The following NUDT11 variants were observed in gnomAD, a reference collection of about 807,000 sequenced individuals.
NUDT11 encodes nudix hydrolase 11, also known as diphosphoinositol polyphosphate phosphohydrolase 3-beta.
Under a neutral mutation model 10.0 loss-of-function variants are expected in NUDT11, and 1 was observed. The ratio of observed to expected loss-of-function variants is 0.10; its 90% CI spans 0.04 to 0.47. NUDT11 has a LOEUF of 0.47. NUDT11 is among the 20% of genes least tolerant of loss of function. The pLI is 0.96. For missense variants in NUDT11, 47 were observed against 140.4 expected (o/e 0.33, Z 3.36); for synonymous variants, 63 against 65.9 (o/e 0.96, Z 0.21).
intron 1 of NUDT11, among the ~76,000 whole-genome samples, chrX:51,492,369 CTT>C (rs782535873): frequency 6.9e-5 from 7 of 101,176 alleles, no homozygotes; most frequent in Non-Finnish European, 6.1e-5. Flanking sequence ...TGCGCTCACT[CTT>C]TTTTTTTTTT....
At chrX:51,494,532 T>C (rs1477520619) in intron 1 of NUDT11, among the ~76,000 whole-genome samples, 1 of 111,709 alleles carries the variant, frequency 9.0e-6, no homozygotes, top group Non-Finnish European at 1.9e-5. Context: ...TAAAAAATAT[T>C]ATTTGTGAAA....
In NUDT11 at chrX:51,491,485, G is replaced by C. The variant is rs913420294; in HGVS notation, c.*264C>G. The stretch of plus-strand genomic sequence containing the variant: ...AGTCTTTGCTCTCAAAGACATCATA[G>C]TCTAATGAAGGCAGACACATCAAAA... On this transcript the variant is annotated 3_prime_UTR_variant, in exon 2 of 2. Coordinates refer to ENST00000375992, the MANE Select transcript of NUDT11 (RefSeq NM_018159.4). The C allele has an allele frequency of 1.9e-5, 6 of 311,698 alleles. No individual in the cohort carries two copies. Among genetic ancestry groups the C allele is most frequent in the Non-Finnish European group, 3.3e-5 (6 of 179,508 alleles). The allele number at this position is 311,698 out of a possible 1,213,427, so 25.7% of individuals were successfully genotyped here.
chrX:51,490,937 T>C lies in NUDT11; in HGVS notation c.*812A>G, dbSNP rs989033328. ...TCCTCAAAGAGATGTTAAGATGACA[T>C]GTAAGAAGTGGTTAGGGCAGGCATT... On this transcript the variant is annotated 3_prime_UTR_variant, in exon 2 of 2. Coordinates refer to ENST00000375992, the MANE Select transcript of NUDT11 (RefSeq NM_018159.4). The C allele has an allele frequency of 7.1e-5, 8 of 112,420 alleles. No individual in the cohort carries two copies. Among genetic ancestry groups the C allele is most frequent in the Non-Finnish European group, 1.5e-4 (8 of 53,278 alleles). The allele number at this position is 112,420 out of a possible 1,213,427, so 9.3% of individuals were successfully genotyped here. A position where few individuals can be genotyped will look rare whatever the true frequency, so the allele number is the denominator to read the frequency against.
At chrX:51,493,151 T>C (rs1438953978) in intron 1 of NUDT11, among the ~76,000 whole-genome samples, 3 of 112,428 alleles carry the variant, frequency 2.7e-5, no homozygotes, top group Non-Finnish European at 5.6e-5. Context: ...ACAGCACCAA[T>C]TGTTTCCAGT....
In NUDT11 at chrX:51,490,241, A is replaced by AT. The variant is rs1557326060; in HGVS notation, c.*1507dup. On this transcript the variant is annotated 3_prime_UTR_variant, in exon 2 of 2. Coordinates refer to ENST00000375992, the MANE Select transcript of NUDT11 (RefSeq NM_018159.4). ...CAGTATACTTCTCTAAAAGATAATC[A>AT]TTTTTTAAAACAACATAACCACAGT... is the stretch of plus-strand genomic sequence containing the variant. The AT allele has an allele frequency of 9.0e-6, 1 of 111,372 alleles. No individual in the cohort carries two copies. The highest frequency in any genetic ancestry group is 3.3e-5 in the African/African-American group (1 of 30,637). The allele number at this position is 111,372 out of a possible 1,213,427, so 9.2% of individuals were successfully genotyped here.
intron 1 of NUDT11, among the ~76,000 whole-genome samples, chrX:51,495,138 A>C (rs782231989): frequency 1.8e-5 from 2 of 112,080 alleles, no homozygotes; most frequent in African/African-American, 6.5e-5. Flanking sequence ...TCTATTCAAT[A>C]AGGTTAATCT....
rs782322319 is a variant in NUDT11 at position 51,495,052 on chromosome X, T to C, written c.494+899A>G. Among the ~76,000 whole-genome samples, 10 of 111,712 alleles carry C rather than the reference T, an allele frequency of 9.0e-5. 1 individual carries two copies. The East Asian group carries it at 2.8e-3, about 32-fold the overall frequency. On this transcript the variant is annotated intron_variant, in intron 1 of 1. Coordinates refer to ENST00000375992, the MANE Select transcript of NUDT11 (RefSeq NM_018159.4). Reference sequence around the variant, plus strand: ...AGTAAGGGGCAATGGGAGTTGGAAGTTGAGTATGGGAAATCAAATTCTGTG... The same window carrying C: ...AGTAAGGGGCAATGGGAGTTGGAAGCTGAGTATGGGAAATCAAATTCTGTG...
intron 1 of NUDT11, among the ~76,000 whole-genome samples, chrX:51,492,147 T>C (rs936458198): frequency 3.6e-5 from 4 of 112,028 alleles, no homozygotes; most frequent in Non-Finnish European, 7.5e-5. Context: ...CTGCGAACCA[T>C]GACACAGAAG....
chrX:51,496,548 G>A lies in NUDT11; in HGVS notation c.-104C>T. On this transcript the variant is annotated 5_prime_UTR_variant, in exon 1 of 2. Transcript: ENST00000375992. Reference sequence around the variant, plus strand: ...GGGAACAGCCGAGGTGCTGGGAAGAGAAAGGGCCGAGGCGAGGGGCGGGGA... The same window carrying A: ...GGGAACAGCCGAGGTGCTGGGAAGAAAAAGGGCCGAGGCGAGGGGCGGGGA... 8.9e-7 allele frequency: 1 copy of A among 1,128,171 alleles called. No individual in the cohort carries two copies. The highest frequency in any genetic ancestry group is 2.2e-5 in the South Asian group (1 of 45,501). 93.0% of individuals were successfully genotyped at this position (1,128,171 alleles called of 1,213,427 possible). A position where few individuals can be genotyped will look rare whatever the true frequency, so the allele number is the denominator to read the frequency against.
At chrX:51,494,339 G>A (rs1925656946) in intron 1 of NUDT11, among the ~76,000 whole-genome samples, 1 of 112,054 alleles carries the variant, frequency 8.9e-6, no homozygotes, top group African/African-American at 3.2e-5. Flanking sequence ...ACTGTTGTAA[G>A]TTTTAAAAAG....
intron 1 of NUDT11, among the ~76,000 whole-genome samples, chrX:51,495,705 C>A (rs1925685276): frequency 9.0e-6 from 1 of 110,565 alleles, no homozygotes; most frequent in East Asian, 2.9e-4. Context: ...TAGGCTTCCC[C>A]GAAACATTTT....
In NUDT11 at chrX:51,495,051, G is replaced by A. The variant is rs560522029; in HGVS notation, c.494+900C>T. On this transcript the variant is annotated intron_variant, in intron 1 of 1. Transcript: ENST00000375992. ...CAGTAAGGGGCAATGGGAGTTGGAA[G>A]TTGAGTATGGGAAATCAAATTCTGT... 5.0e-4 allele frequency among the ~76,000 whole-genome samples: 56 copies of A among 112,027 alleles called. No individual in the cohort carries two copies. The South Asian group carries it at 0.02, about 41-fold the overall frequency.
chrX:51,491,601 G>A lies in NUDT11; in HGVS notation c.*148C>T. The A allele has an allele frequency of 2.0e-6, 1 of 508,559 alleles. No individual in the cohort carries two copies. The highest frequency in any genetic ancestry group is 3.6e-6 in the Non-Finnish European group (1 of 279,586). 41.9% of individuals were successfully genotyped at this position (508,559 alleles called of 1,213,427 possible). On this transcript the variant is annotated 3_prime_UTR_variant, in exon 2 of 2. Transcript: ENST00000375992. ...GAGCAAGAGTCAGTGGTATAGACAG[G>A]GAAGGAGTGTCCCAAGATGCAGGAA...
In NUDT11 at chrX:51,491,524, GGCTATAGGT is replaced by G; in HGVS notation, c.*216_*224del. The G allele has an allele frequency of 2.7e-6, 1 of 375,228 alleles. No homozygotes were observed. 30.9% of individuals were successfully genotyped at this position (375,228 alleles called of 1,213,427 possible). A position where few individuals can be genotyped will look rare whatever the true frequency, so the allele number is the denominator to read the frequency against. On this transcript the variant is annotated 3_prime_UTR_variant, in exon 2 of 2. Transcript: ENST00000375992. Reference sequence around the variant, plus strand: ...GACACATCAAAAAAGCACAACAAAAGGCTATAGGTGCTGAATTAAGAGTCTATTCACGTA... The same window carrying G: ...GACACATCAAAAAAGCACAACAAAAGGCTGAATTAAGAGTCTATTCACGTA...
chrX:51,496,525 GA>G lies in NUDT11; in HGVS notation c.-82del. 1 of 1,175,083 alleles carries G rather than the reference GA, an allele frequency of 8.5e-7. No homozygotes were observed. Among genetic ancestry groups the G allele is most frequent in the Non-Finnish European group, 1.1e-6 (1 of 874,214 alleles). On this transcript the variant is annotated 5_prime_UTR_variant, in exon 1 of 2. Transcript: ENST00000375992. Reference sequence around the variant, plus strand: ...CGCCGCTGCCGCTGCCGCCGCCGGGGAACAGCCGAGGTGCTGGGAAGAGAAA... The same window carrying G: ...CGCCGCTGCCGCTGCCGCCGCCGGGGACAGCCGAGGTGCTGGGAAGAGAAA...
intron 1 of NUDT11, among the ~76,000 whole-genome samples, chrX:51,492,486 A>T (rs1925617182): frequency 9.1e-6 from 1 of 110,096 alleles, no homozygotes; most frequent in Non-Finnish European, 1.9e-5. Flanking sequence ...CCTCCCAAAT[A>T]GAAGGTATTA....
Position 51,496,205 on chromosome X carries a change from C to G in NUDT11, c.240G>C (p.Leu80=). Residue 80 remains leucine, a synonymous_variant, in exon 1 of 2, where the codon CTG becomes CTC. Coordinates refer to ENST00000375992, the MANE Select transcript of NUDT11 (RefSeq NM_018159.4). ...GATCCTGGTTCTGTTCGAAGACGCC[C>G]AGGAGCCGGCCTAACTTCCCCTTGA... The part of the protein sequence containing the change: ...AGVKGKLGRL[L]GVFEQNQDRK... 8.3e-7 allele frequency: 1 copy of G among 1,211,561 alleles called. No homozygotes were observed. The highest frequency in any genetic ancestry group is 3.0e-5 in the East Asian group (1 of 33,805).
intron 1 of NUDT11, among the ~76,000 whole-genome samples, chrX:51,495,337 T>A (rs1234660074): frequency 8.9e-6 from 1 of 111,748 alleles, no homozygotes; most frequent in Non-Finnish European, 1.9e-5. Flanking sequence ...TCCCAATTTT[T>A]AAAAAAATTC....
intron 1 of NUDT11, among the ~76,000 whole-genome samples, chrX:51,493,854 A>G (rs1376920696): frequency 8.9e-6 from 1 of 112,068 alleles, no homozygotes; most frequent in African/African-American, 3.2e-5. Context: ...CAGATACATA[A>G]CTTAAGAACC....
Sources: gnomAD v4.1 joint callset for allele counts (sites outside exome capture counted in the v4.1 genomes callset) on GRCh38, gnomAD v4.1.1 for gene constraint, MANE v1.5 for transcripts, NCBI Gene and HGNC (gene_info 2026-07-23, HGNC 2026-07-21) for gene names.